The following MRPL1 variants were observed in gnomAD, a reference collection of about 807,000 sequenced individuals.
The protein encoded by MRPL1 is large ribosomal subunit protein uL1m.
In MRPL1, 28 loss-of-function variants were observed where a neutral mutation model predicts 38.0. The ratio of observed to expected loss-of-function variants is 0.74; its 90% CI spans 0.55 to 1.01. MRPL1 has a LOEUF of 1.01. Among genes scored for constraint, MRPL1 ranks in the 50% least tolerant of loss-of-function variants. MRPL1 has a pLI of 0.00. For synonymous variants in MRPL1, 123 were observed against 126.7 expected, an observed-to-expected ratio of 0.97 and a Z score of 0.20; for missense variants, 358 against 389.8, an observed-to-expected ratio of 0.92 and a Z score of 0.69.
chr4:77,871,921 T>C, intron 2 of MRPL1, 66 bp downstream of exon 2: 2 of 1,046,302 alleles, frequency 1.9e-6, no homozygotes, highest in Non-Finnish European at 2.9e-6. Flanking sequence ...AAAGCATGTT[T>C]AGTTCCATAA....
At chr4:77,932,200 A>T (rs2110260043) in intron 7 of MRPL1, among the ~76,000 whole-genome samples, 1 of 152,348 alleles carries the variant, frequency 6.6e-6, no homozygotes, top group East Asian at 1.9e-4. Flanking sequence ...CTGCATTCAA[A>T]GTCAAACTGG....
In MRPL1 at chr4:77,913,836, G is replaced by A. The variant is rs560961123; in HGVS notation, c.777+4464G>A. 2.6e-5 allele frequency among the ~76,000 whole-genome samples: 4 copies of A among 152,328 alleles called. No homozygotes were observed. The East Asian group carries it at 7.7e-4, about 29-fold the overall frequency. ...TACTGATGGATTTCAAAATAATTTT[G>A]CTGAGTGAAAGAAGTTAGAAAAAAG... On this transcript the variant is annotated intron_variant, in intron 7 of 8. Transcript: ENST00000315567.
chr4:77,891,512 T>G (rs938798313), intron 5 of MRPL1, among the ~76,000 whole-genome samples: 6 of 152,026 alleles, frequency 3.9e-5, no homozygotes, highest in Non-Finnish European at 5.9e-5. Context: ...CCTGCCACTG[T>G]GCCCAGCTAA....
At chr4:77,898,392 T>TTGAATGAATGAA (rs35144776) in intron 6 of MRPL1, among the ~76,000 whole-genome samples, 1 of 150,844 alleles carries the variant, frequency 6.6e-6, no homozygotes, top group South Asian at 2.1e-4. Context: ...CTACAAATAT[T>TTGAATGAATGAA]TGAATGAATG....
intron 6 of MRPL1, among the ~76,000 whole-genome samples, chr4:77,907,397 C>T (rs1017192603): frequency 1.3e-5 from 2 of 152,026 alleles, no homozygotes; most frequent in Non-Finnish European, 2.9e-5. Flanking sequence ...CCTTTCTCTA[C>T]CTAATGGAGG....
At chr4:77,907,234 T>C in intron 6 of MRPL1, 3 of 916,370 alleles carry the variant, frequency 3.3e-6, no homozygotes, top group Non-Finnish European at 3.9e-6. Context: ...TAGTGGAATA[T>C]ACCATATTTT....
intron 2 of MRPL1, among the ~76,000 whole-genome samples, chr4:77,880,936 T>C (rs1735523374): frequency 6.6e-6 from 1 of 152,230 alleles, no homozygotes; most frequent in South Asian, 2.1e-4. Context: ...TCATCTCATG[T>C]AGCCTGGGGC....
At chr4:77,878,675 C>T (rs890429564) in intron 2 of MRPL1, among the ~76,000 whole-genome samples, 4 of 152,076 alleles carry the variant, frequency 2.6e-5, no homozygotes, top group Admixed American at 6.6e-5. Context: ...GTCTGGAGTT[C>T]GAGACCATCC....
intron 2 of MRPL1, among the ~76,000 whole-genome samples, chr4:77,877,589 ATTT>A (rs58774105): frequency 7.1e-5 from 8 of 113,416 alleles, no homozygotes; most frequent in East Asian, 2.6e-4. Context: ...GTTGGGAGGG[ATTT>A]TTTTTTTTTT....
intron 2 of MRPL1, among the ~76,000 whole-genome samples, chr4:77,875,541 A>G (rs77774368): frequency 0.22 from 32,784 of 151,756 alleles, 4,336 homozygotes; most frequent in African/African-American, 0.37. Flanking sequence ...AATCCTGGCT[A>G]CTCAGGAGAC....
intron 7 of MRPL1, among the ~76,000 whole-genome samples, chr4:77,931,218 CAG>C (rs1736836908): frequency 1.3e-5 from 2 of 152,204 alleles, no homozygotes; most frequent in Non-Finnish European, 1.5e-5. Context: ...ACACGAAGAA[CAG>C]AAGCAATTAT....
At chr4:77,952,436 T>G in intron 8 of MRPL1, 53 bp from the exon 9 acceptor site, 80 of 1,211,136 alleles carry the variant, frequency 6.6e-5, no homozygotes, top group Middle Eastern at 1.9e-4. Flanking sequence ...TATTTGCTCA[T>G]GAGGTGGTAT....
chr4:77,944,298 G>A (rs192014386), intron 7 of MRPL1, among the ~76,000 whole-genome samples: 155 of 152,284 alleles, frequency 1.0e-3, no homozygotes, highest in African/African-American at 3.1e-3. Context: ...GGGGCCTGTC[G>A]CAGCAATCCA....
At chr4:77,903,461 A>G (rs1736081227) in intron 6 of MRPL1, among the ~76,000 whole-genome samples, 1 of 152,224 alleles carries the variant, frequency 6.6e-6, no homozygotes. Context: ...TATGTTCAAC[A>G]TTGTACTGGA....
At chr4:77,941,270 A>G (rs1240910430) in intron 7 of MRPL1, among the ~76,000 whole-genome samples, 1 of 151,672 alleles carries the variant, frequency 6.6e-6, no homozygotes, top group Non-Finnish European at 1.5e-5. Context: ...TGCCTCAGAA[A>G]AAAAAAAAAA....
At chr4:77,915,406 T>C (rs1426779209) in intron 7 of MRPL1, among the ~76,000 whole-genome samples, 1 of 152,072 alleles carries the variant, frequency 6.6e-6, no homozygotes, top group Admixed American at 6.6e-5. Flanking sequence ...TACTTGCAGG[T>C]AAATTAGTTT....
chr4:77,932,632 G>A (rs1353044242), intron 7 of MRPL1, among the ~76,000 whole-genome samples: 1 of 151,652 alleles, frequency 6.6e-6, no homozygotes, highest in Admixed American at 6.6e-5. Flanking sequence ...CACACTTCAG[G>A]TGTGACTGTC....
At chr4:77,929,521 C>G (rs1256714878) in intron 7 of MRPL1, among the ~76,000 whole-genome samples, 2 of 152,120 alleles carry the variant, frequency 1.3e-5, no homozygotes, top group Non-Finnish European at 2.9e-5. Context: ...ATTTTCCAAA[C>G]AGCTTTATCA....
chr4:77,882,835 G>A lies in MRPL1; in HGVS notation c.144-407G>A, dbSNP rs370291597. ...TGTCATATGTTTTCACTTCTTTGGG[G>A]TGCTAACACTTCCTTATCCATTAAG... On this transcript the variant is annotated intron_variant, in intron 2 of 8. Coordinates refer to ENST00000315567, the MANE Select transcript of MRPL1 (RefSeq NM_020236.4). 7.9e-5 allele frequency among the ~76,000 whole-genome samples: 12 copies of A among 152,224 alleles called. No individual in the cohort carries two copies. The East Asian group carries it at 1.7e-3, about 22-fold the overall frequency.
Sources: gnomAD v4.1 joint callset for allele counts (sites outside exome capture counted in the v4.1 genomes callset) on GRCh38, gnomAD v4.1.1 for gene constraint, MANE v1.5 for transcripts, NCBI Gene and HGNC (gene_info 2026-07-23, HGNC 2026-07-21) for gene names.